The following ZNF570 variants were observed in gnomAD, a reference collection of about 807,000 sequenced individuals.
The protein encoded by ZNF570 is zinc finger protein 570.
A neutral mutation model predicts 14.2 loss-of-function variants in ZNF570; 8 were observed. The observed-to-expected ratio is 0.56, with a 90% CI of 0.33 to 1.02. The LOEUF is 1.02. Among genes scored for constraint, ZNF570 ranks in the 50% least tolerant of loss-of-function variants. ZNF570 has a pLI of 0.03. For synonymous variants in ZNF570, 202 were observed against 207.6 expected, an observed-to-expected ratio of 0.97 and a Z score of 0.23; for missense variants, 559 against 624.9, an observed-to-expected ratio of 0.89 and a Z score of 1.12.
At chr19:37,480,482 C>G (rs939048768) in intron 4 of ZNF570, among the ~76,000 whole-genome samples, 1 of 152,030 alleles carries the variant, frequency 6.6e-6, no homozygotes. Context: ...AAAACTCCAT[C>G]TCAAAAAACA....
chr19:37,475,936 G>A lies in ZNF570; in HGVS notation c.89G>A (p.Cys30Tyr). ...AVDFSQEEWD[C>Y]LDSSQRHLYS... ...GACTTCTCCCAAGAGGAATGGGATT[G>A]TCTGGATTCTTCTCAAAGACATCTG... The change falls in exon 3 of 5, where the codon TGT (cysteine) becomes TAT (tyrosine). Residue 30 changes from cysteine (C) to tyrosine (Y), a missense_variant. Coordinates refer to ENST00000330173, the MANE Select transcript of ZNF570 (RefSeq NM_144694.5). 5 of 1,614,066 alleles carry A rather than the reference G, an allele frequency of 3.1e-6. No individual in the cohort carries two copies. Among genetic ancestry groups the A allele is most frequent in the Non-Finnish European group, 4.2e-6 (5 of 1,179,976 alleles).
chr19:37,476,540 C>T (rs2042026408), intron 4 of ZNF570, 106 bp downstream of exon 4: 4 of 1,375,332 alleles, frequency 2.9e-6, no homozygotes, highest in Non-Finnish European at 3.8e-6. Context: ...CTCAAATGTT[C>T]TAGGTTTTCA....
At chr19:37,474,910 C>G (rs2042006282) in intron 2 of ZNF570, among the ~76,000 whole-genome samples, 1 of 151,746 alleles carries the variant, frequency 6.6e-6, no homozygotes, top group Admixed American at 6.6e-5. Context: ...ATTATAGAAA[C>G]CTGGAATCCA....
In ZNF570 at chr19:37,485,243, C is replaced by T. The variant is rs749794457; in HGVS notation, c.*10C>T. The T allele has an allele frequency of 3.3e-6, 5 of 1,522,844 alleles. No homozygotes were observed. Among genetic ancestry groups the T allele is most frequent in the Non-Finnish European group, 4.4e-6 (5 of 1,138,948 alleles). The allele number at this position is 1,522,844 out of a possible 1,614,324, so 94.3% of individuals were successfully genotyped here. A position where few individuals can be genotyped will look rare whatever the true frequency, so the allele number is the denominator to read the frequency against. ...TCACCAAGTCCTATAGATCCTGAGT[C>T]CTAAATGTTTCTAGAATTTATACTG... On this transcript the variant is annotated 3_prime_UTR_variant, in exon 5 of 5. Coordinates refer to ENST00000330173, the MANE Select transcript of ZNF570 (RefSeq NM_144694.5).
In ZNF570 at chr19:37,484,582, T is replaced by G. The variant is rs756690753; in HGVS notation, c.960T>G (p.His320Gln). 7.0e-5 allele frequency: 113 copies of G among 1,614,008 alleles called. No homozygotes were observed. Among genetic ancestry groups the G allele is most frequent in the Admixed American group, 1.7e-4 (10 of 60,000 alleles). The change falls in exon 5 of 5, where the codon CAT becomes CAG. Residue 320 changes from histidine (H) to glutamine (Q), a missense_variant. His to Gln is a conservative substitution (Grantham distance 24). Coordinates refer to ENST00000330173, the MANE Select transcript of ZNF570 (RefSeq NM_144694.5). ...AFSQFAYLAQ[H>Q]QRVHTGEKPY... ...GCCAGTTTGCCTACCTTGCTCAACATCAGAGAGTTCACACGGGAGAGAAAC... is the reference window on the plus strand; with the variant it reads ...GCCAGTTTGCCTACCTTGCTCAACAGCAGAGAGTTCACACGGGAGAGAAAC...
chr19:37,483,899 A>C lies in ZNF570; in HGVS notation c.277A>C (p.Thr93Pro), dbSNP rs75485792. Reference sequence around the variant, plus strand: ...TTCAGGCTGGGAGCCTATATGTGAGACTGAAGAATTAACCCCAAAGCAGGA... The same window carrying C: ...TTCAGGCTGGGAGCCTATATGTGAGCCTGAAGAATTAACCCCAAAGCAGGA... ...LCSGWEPICE[T>P]EELTPKQDFY... The change falls in exon 5 of 5, where the codon ACT becomes CCT. Residue 93 changes from threonine to proline, a missense_variant. Transcript: ENST00000330173. 2,563 of 1,610,882 alleles carry C rather than the reference A, an allele frequency of 1.6e-3. 35 individuals carry two copies. In the African/African-American group the frequency reaches 0.031, roughly 19 times the overall value.
chr19:37,487,201 CAAAAAAAAAAAAA>C lies in ZNF570; in HGVS notation c.*1983_*1995del, dbSNP rs60321298. The C allele has an allele frequency of 6.7e-5, 3 of 44,830 alleles. No homozygotes were observed. The highest frequency in any genetic ancestry group is 1.7e-3 in the East Asian group (2 of 1,182). The allele number at this position is 44,830 out of a possible 1,614,324, so 2.8% of individuals were successfully genotyped here. On this transcript the variant is annotated 3_prime_UTR_variant, in exon 5 of 5. Coordinates refer to ENST00000330173, the MANE Select transcript of ZNF570 (RefSeq NM_144694.5). ...TGGGCAATACAGCAAGACTCCATCT[CAAAAAAAAAAAAA>C]AAAAAAAAAAAAAAGCACTACCCCC...
Position 37,484,957 on chromosome 19 carries a change from T to G in ZNF570, c.1335T>G (p.Ile445Met). The change falls in exon 5 of 5, where the codon ATT becomes ATG. Residue 445 changes from isoleucine to methionine, a missense_variant. Ile to Met is a conservative substitution (Grantham distance 10). Coordinates refer to ENST00000330173, the MANE Select transcript of ZNF570 (RefSeq NM_144694.5). ...CTGGAGAGAAACCCTATGAATGTAT[T>G]GAATGTGGGAAGGCTTTTAGCAATG... The part of the protein sequence containing the change: ...VHTGEKPYEC[I>M]ECGKAFSNDS... 1 of 1,613,812 alleles carries G rather than the reference T, an allele frequency of 6.2e-7. No homozygotes were observed. The highest frequency in any genetic ancestry group is 8.5e-7 in the Non-Finnish European group (1 of 1,179,942).
chr19:37,476,796 G>A (rs1292062692), intron 4 of ZNF570, among the ~76,000 whole-genome samples: 2 of 141,394 alleles, frequency 1.4e-5, no homozygotes, highest in Non-Finnish European at 3.0e-5. Flanking sequence ...TGCAAGCTCC[G>A]CCTCCCGGGT....
chr19:37,485,800 TG>T lies in ZNF570; in HGVS notation c.*570del, dbSNP rs1386093597. 1 of 151,922 alleles carries T rather than the reference TG, an allele frequency of 6.6e-6. No individual in the cohort carries two copies. Among genetic ancestry groups the T allele is most frequent in the Non-Finnish European group, 1.5e-5 (1 of 68,008 alleles). The allele number at this position is 151,922 out of a possible 1,614,324, so 9.4% of individuals were successfully genotyped here. On this transcript the variant is annotated 3_prime_UTR_variant, in exon 5 of 5. Coordinates refer to ENST00000330173, the MANE Select transcript of ZNF570 (RefSeq NM_144694.5). ...GCTCATGCCTGTAATCGCAGCGCTT[TG>T]GGAGGCCAAGGCAGGCAGATCACCC...
chr19:37,476,081 G>T, intron 3 of ZNF570, 74 bp downstream of exon 3: 1 of 1,529,434 alleles, frequency 6.5e-7, no homozygotes, highest in Non-Finnish European at 8.8e-7. Flanking sequence ...TGAATTTTTG[G>T]ATAATATCTG....
At position 37,487,304 on chromosome 19, in the gene ZNF570, A is replaced by C. The variant is rs983943882; in HGVS notation, c.*2071A>C. 1.3e-5 allele frequency: 2 copies of C among 152,096 alleles called. No individual in the cohort carries two copies. Among genetic ancestry groups the C allele is most frequent in the African/African-American group, 4.8e-5 (2 of 41,436 alleles). 9.4% of individuals were successfully genotyped at this position (152,096 alleles called of 1,614,324 possible). Reference sequence around the variant, plus strand: ...TGTAAAGTGTTCCATACTATAGAAAAATGTAAAGTTTTAAAATTATTTATC... The same window carrying C: ...TGTAAAGTGTTCCATACTATAGAAACATGTAAAGTTTTAAAATTATTTATC... On this transcript the variant is annotated 3_prime_UTR_variant, in exon 5 of 5. Coordinates refer to ENST00000330173, the MANE Select transcript of ZNF570 (RefSeq NM_144694.5).
Position 37,484,875 on chromosome 19 carries a change from A to C in ZNF570, c.1253A>C (p.Glu418Ala), listed in dbSNP as rs757286075. 6.2e-7 allele frequency: 1 copy of C among 1,612,696 alleles called. No homozygotes were observed. Among genetic ancestry groups the C allele is most frequent in the East Asian group, 2.2e-5 (1 of 44,790 alleles). The change falls in exon 5 of 5, where the codon GAA becomes GCA. Residue 418 changes from glutamate (E) to alanine (A), a missense_variant. By Grantham distance (107) the Glu-to-Ala change is moderately radical (BLOSUM62 -1). Coordinates refer to ENST00000330173, the MANE Select transcript of ZNF570 (RefSeq NM_144694.5). ...HTGEKPYKCQ[E>A]CRKAFSQIAY... ...GGAGAAAAACCTTATAAGTGTCAGG[A>C]ATGTAGGAAAGCATTCAGCCAGATT...
chr19:37,474,625 A>C (rs997151334), intron 2 of ZNF570, among the ~76,000 whole-genome samples: 1 of 151,804 alleles, frequency 6.6e-6, no homozygotes, highest in African/African-American at 2.4e-5. Context: ...ATGCCCAGCT[A>C]ATTTTTGTAT....
At chr19:37,468,234 G>A (rs369157137), upstream of ZNF570, among the ~76,000 whole-genome samples, 13 of 151,914 alleles carry the variant, frequency 8.6e-5, no homozygotes, top group African/African-American at 3.1e-4. Context: ...CACAATCAAG[G>A]GACACTCCGC....
chr19:37,470,439 A>G (rs765303596), intron 2 of ZNF570, 52 bp downstream of exon 2: 11 of 1,564,938 alleles, frequency 7.0e-6, no homozygotes, highest in Middle Eastern at 1.7e-4. Context: ...TTTCAAAACA[A>G]GCAGGTACTA....
chr19:37,472,656 C>A (rs536041901), intron 2 of ZNF570, among the ~76,000 whole-genome samples: 1 of 150,558 alleles, frequency 6.6e-6, no homozygotes, highest in Non-Finnish European at 1.5e-5. Context: ...GCAGGAGAAT[C>A]GCTTGAACCT....
upstream of ZNF570, chr19:37,467,819 T>G: frequency 2.7e-6 from 4 of 1,482,546 alleles, no homozygotes; most frequent in South Asian, 1.2e-5. Flanking sequence ...TATGCGACCT[T>G]TTGTGTGACC....
rs1245176194 is a variant in ZNF570, at chr19:37,486,689, T to C, written c.*1456T>C. 6.6e-6 allele frequency: 1 copy of C among 152,252 alleles called. No individual in the cohort carries two copies. Among genetic ancestry groups the C allele is most frequent in the Admixed American group, 6.5e-5 (1 of 15,290 alleles). The allele number at this position is 152,252 out of a possible 1,614,324, so 9.4% of individuals were successfully genotyped here. Reference sequence around the variant, plus strand: ...AACATAAATGGCAGTCTTTGTACTGTAGCTTAGTAGTTGTTATGAAGTCAG... The same window carrying C: ...AACATAAATGGCAGTCTTTGTACTGCAGCTTAGTAGTTGTTATGAAGTCAG... On this transcript the variant is annotated 3_prime_UTR_variant, in exon 5 of 5. Coordinates refer to ENST00000330173, the MANE Select transcript of ZNF570 (RefSeq NM_144694.5).
Sources: allele counts gnomAD v4.1 joint callset (sites outside exome capture counted in the v4.1 genomes callset), GRCh38; gene constraint gnomAD v4.1.1; transcripts MANE v1.5; gene names NCBI Gene and HGNC (gene_info 2026-07-23, HGNC 2026-07-21).